Variants in CCR5AS observed in about 807,000 individuals in gnomAD.
CCR5AS encodes the protein CCR5 antisense RNA.
At chr3:46,397,552 G>A (rs911224959) in intron 1 of CCR5AS, among the ~76,000 whole-genome samples, 6 of 152,192 alleles carry the variant, frequency 3.9e-5, no homozygotes, top group Non-Finnish European at 8.8e-5. Flanking sequence ...GCAAGGGGAG[G>A]GAGCTGCCTG....
At chr3:46,389,842 G>C (rs1045112829) in intron 2 of CCR5AS, among the ~76,000 whole-genome samples, 5 of 152,112 alleles carry the variant, frequency 3.3e-5, no homozygotes, top group African/African-American at 1.2e-4. Context: ...TGGGGGTTGG[G>C]GTCTGGGAGA....
At chr3:46,397,961 C>T (rs1445554201) in intron 1 of CCR5AS, among the ~76,000 whole-genome samples, 2 of 152,188 alleles carry the variant, frequency 1.3e-5, no homozygotes, top group East Asian at 1.9e-4. Flanking sequence ...CGTGTAACTC[C>T]GACACGGGGC....
At chr3:46,385,284 A>G (rs1701850672) in intron 2 of CCR5AS, among the ~76,000 whole-genome samples, 2 of 152,236 alleles carry the variant, frequency 1.3e-5, no homozygotes, top group Admixed American at 6.5e-5. Context: ...AGATGGTAGT[A>G]TTGAGACAGG....
chr3:46,400,574 G>C (rs1320180973), intron 1 of CCR5AS, among the ~76,000 whole-genome samples: 1 of 152,208 alleles, frequency 6.6e-6, no homozygotes, highest in African/African-American at 2.4e-5. Context: ...TTTATTGTGA[G>C]AATTCAGTGG....
At chr3:46,374,584 T>C (rs1701725925) in intron 2 of CCR5AS, 1 of 167,122 alleles carries the variant, frequency 6.0e-6, no homozygotes, top group Non-Finnish European at 1.5e-5. Context: ...AGTTGGATCA[T>C]CTATTGCTGG....
At chr3:46,384,280 T>G (rs1701839605) in intron 2 of CCR5AS, among the ~76,000 whole-genome samples, 1 of 152,242 alleles carries the variant, frequency 6.6e-6, no homozygotes. Flanking sequence ...AATCTTTTAT[T>G]ACGCAGACGG....
intron 1 of CCR5AS, among the ~76,000 whole-genome samples, chr3:46,399,817 G>C (rs1203745848): frequency 6.6e-6 from 1 of 152,112 alleles, no homozygotes; most frequent in African/African-American, 2.4e-5. Flanking sequence ...ATTAGAACGG[G>C]GGTGAAGAGA....
chr3:46,393,034 A>G (rs35060576), exon 2 of CCR5AS: 95,740 of 152,618 alleles, frequency 0.63, 30,362 homozygotes, highest in African/African-American at 0.71. Flanking sequence ...TTAATCATGT[A>G]GGTGCAGGCA....
chr3:46,374,467 T>G (rs1485028306), intron 2 of CCR5AS: 4 of 167,214 alleles, frequency 2.4e-5, no homozygotes, highest in South Asian at 2.1e-4. Flanking sequence ...TTTTCATGTG[T>G]GATTTCCCCT....
In CCR5AS at chr3:46,382,357, A is replaced by G. The variant is rs891128281; in HGVS notation, n.391+10468T>C. ...GTGTAAATCAGACACCGCCTCCTCA[A>G]GTTAGTCTATAAAACCCCATGCATT... On this transcript the variant is annotated intron_variant and non_coding_transcript_variant, in intron 2 of 3. Transcript: ENST00000451485. 4.1e-4 allele frequency among the ~76,000 whole-genome samples: 62 copies of G among 152,222 alleles called. 1 individual carries two copies. The highest frequency in any genetic ancestry group is 7.3e-5 in the Non-Finnish European group (5 of 68,038).
At chr3:46,380,017 G>T (rs1327297291) in intron 2 of CCR5AS, among the ~76,000 whole-genome samples, 1 of 152,212 alleles carries the variant, frequency 6.6e-6, no homozygotes, top group Non-Finnish European at 1.5e-5. Flanking sequence ...AGGGCAGGGG[G>T]TCTGCACACT....
chr3:46,391,399 G>A (rs1701912724), intron 2 of CCR5AS, among the ~76,000 whole-genome samples: 1 of 152,156 alleles, frequency 6.6e-6, no homozygotes, highest in Non-Finnish European at 1.5e-5. Context: ...TCCTGTTGTG[G>A]GGTTTGAGGG....
At chr3:46,399,094 C>G (rs953540930) in intron 1 of CCR5AS, among the ~76,000 whole-genome samples, 6 of 152,156 alleles carry the variant, frequency 3.9e-5, no homozygotes, top group African/African-American at 1.4e-4. Flanking sequence ...CTGCAAAGTC[C>G]TGTATTAATG....
At chr3:46,405,254 G>A (rs1478887463) in intron 1 of CCR5AS, among the ~76,000 whole-genome samples, 2 of 152,132 alleles carry the variant, frequency 1.3e-5, no homozygotes, top group Admixed American at 6.5e-5. Flanking sequence ...GTAAGCCAGG[G>A]TGATCCTGAA....
At chr3:46,369,893 T>TG (rs1419865576) in intron 3 of CCR5AS, among the ~76,000 whole-genome samples, 2 of 152,154 alleles carry the variant, frequency 1.3e-5, no homozygotes, top group African/African-American at 4.8e-5. Context: ...TTTTGCTGTT[T>TG]GGGGTCTCAT....
intron 2 of CCR5AS, among the ~76,000 whole-genome samples, chr3:46,388,357 T>C (rs992509218): frequency 3.9e-5 from 6 of 152,114 alleles, no homozygotes; most frequent in Non-Finnish European, 7.3e-5. Context: ...AATTCTCATA[T>C]AGAATGATTG....
At chr3:46,391,244 G>T (rs1701911005) in intron 2 of CCR5AS, among the ~76,000 whole-genome samples, 1 of 152,222 alleles carries the variant, frequency 6.6e-6, no homozygotes, top group African/African-American at 2.4e-5. Context: ...GGCCCCTGCA[G>T]TTTAGGTGTT....
intron 3 of CCR5AS, among the ~76,000 whole-genome samples, chr3:46,365,398 C>T (rs930340416): frequency 6.6e-6 from 1 of 152,156 alleles, no homozygotes. Context: ...TTTAGCAATA[C>T]AATATTTTTA....
exon 4 of CCR5AS, chr3:46,364,949 C>T (rs1701586609): frequency 6.6e-6 from 1 of 152,296 alleles, no homozygotes; most frequent in South Asian, 2.1e-4. Flanking sequence ...TGAATTGCCG[C>T]ACTCTCATGA....
Sources: gnomAD v4.1 joint callset for allele counts (sites outside exome capture counted in the v4.1 genomes callset) on GRCh38, gnomAD v4.1.1 for gene constraint, MANE v1.5 for transcripts, NCBI Gene and HGNC (gene_info 2026-07-23, HGNC 2026-07-21) for gene names.